The following SLC2A1 variants were observed in gnomAD, a reference collection of about 807,000 sequenced individuals.
SLC2A1 encodes the protein solute carrier family 2 member 1, also known as solute carrier family 2, facilitated glucose transporter member 1.
SLC2A1 carries 4 observed loss-of-function variants against 46.6 expected under a neutral mutation model. That is an observed-to-expected ratio of 0.09 (90% confidence interval 0.04 to 0.20). SLC2A1 has a LOEUF of 0.20. SLC2A1 is among the 10% of genes least tolerant of loss of function. The probability of loss-of-function intolerance (pLI) is 1.00; values close to 1 mark genes in which losing one functional copy is unlikely to be tolerated. For synonymous variants in SLC2A1, 253 were observed against 270.0 expected (o/e 0.94, Z 0.62); for missense variants, 352 against 667.0 (o/e 0.53, Z 5.20).
In SLC2A1 at chr1:42,951,728, G is replaced by A. The variant is rs116414544; in HGVS notation, c.18+6906C>T. 1.7e-3 allele frequency: 680 copies of A among 395,498 alleles called. 2 individuals carry two copies. The highest frequency in any genetic ancestry group is 0.014 in the African/African-American group (639 of 46,620). The allele number at this position is 395,498 out of a possible 1,614,324, so 24.5% of individuals were successfully genotyped here. ...CTAAGAACTTTATTGGACACAGCTT[G>A]GATGCCAGGACCTGGTAGGCCCCAC... On this transcript the variant is annotated intron_variant, in intron 1 of 9. Coordinates refer to ENST00000426263, the MANE Select transcript of SLC2A1 (RefSeq NM_006516.4).
intron 1 of SLC2A1, 25 bp from the exon 2 acceptor site, chr1:42,943,346 T>C: frequency 6.4e-7 from 1 of 1,566,760 alleles, no homozygotes; most frequent in Non-Finnish European, 8.8e-7. Context: ...ACCACACTGT[T>C]ATAGGCGTGT....
At chr1:42,942,405 C>G (rs187387017) in intron 2 of SLC2A1, among the ~76,000 whole-genome samples, 4 of 152,162 alleles carry the variant, frequency 2.6e-5, no homozygotes. Flanking sequence ...TCCCTGCCTC[C>G]TACCCCCTAC....
Position 42,930,286 on chromosome 1 carries a change from G to C in SLC2A1, c.517-251C>G. The stretch of plus-strand genomic sequence containing the variant: ...CAGATGTGTCCAGCACAGAGAATGG[G>C]GGCTGCTACTCTGCCACAAGAGGGT... On this transcript the variant is annotated intron_variant, in intron 4 of 9. Transcript: ENST00000426263. This position sits in a 1 kb window ranked among gnomAD's most constrained non-coding sequence, Gnocchi z 6.2. 1 of 624,036 alleles carries C rather than the reference G, an allele frequency of 1.6e-6. No individual in the cohort carries two copies. The highest frequency in any genetic ancestry group is 2.9e-6 in the Non-Finnish European group (1 of 349,612). 38.7% of individuals were successfully genotyped at this position (624,036 alleles called of 1,614,324 possible).
At chr1:42,947,870 GTGTTCA>G (rs1167379553) in intron 1 of SLC2A1, among the ~76,000 whole-genome samples, 1 of 152,180 alleles carries the variant, frequency 6.6e-6, no homozygotes, top group Non-Finnish European at 1.5e-5. Flanking sequence ...TGCCAGACCA[GTGTTCA>G]TCCTTAGCCA....
chr1:42,929,631 C>G lies in SLC2A1; in HGVS notation c.829G>C (p.Val277Leu), dbSNP rs928228807. 3 of 1,613,732 alleles carry G rather than the reference C, an allele frequency of 1.9e-6. No homozygotes were observed. The African/African-American group carries it at 4.0e-5, about 22-fold the overall frequency. Reference sequence around the variant, plus strand: ...GACAGCTGCTGGGACAGCTGCAGCACCACAGCGATGAGGATGGGCTGGCGG... The same window carrying G: ...GACAGCTGCTGGGACAGCTGCAGCAGCACAGCGATGAGGATGGGCTGGCGG... The part of the protein sequence containing the change: ...AYRQPILIAV[V>L]LQLSQQLSGI... Residue 277 changes from valine to leucine, a missense_variant, in exon 6 of 10, where the codon GTG (valine) becomes CTG (leucine). By Grantham distance (32) the Val-to-Leu change is conservative. Transcript: ENST00000426263. The surrounding 1 kb of genome is among the most constrained non-coding windows in gnomAD (Gnocchi z 6.0).
At position 42,954,539 on chromosome 1, in the gene SLC2A1, A is replaced by C. The variant is rs912136271; in HGVS notation, c.18+4095T>G. On this transcript the variant is annotated intron_variant, in intron 1 of 9. Coordinates refer to ENST00000426263, the MANE Select transcript of SLC2A1 (RefSeq NM_006516.4). This position sits in a 1 kb window ranked among gnomAD's most constrained non-coding sequence, Gnocchi z 4.2. ...AAACTCCGTCTCAAAAATCAAAACA[A>C]AACACAGCTCCATAGAACGCCTCAA... 6.6e-6 allele frequency among the ~76,000 whole-genome samples: 1 copy of C among 152,136 alleles called. No homozygotes were observed. The highest frequency in any genetic ancestry group is 1.5e-5 in the Non-Finnish European group (1 of 68,026).
intron 2 of SLC2A1, among the ~76,000 whole-genome samples, chr1:42,941,959 C>T (rs1458736776): frequency 1.3e-5 from 2 of 152,258 alleles, no homozygotes; most frequent in Non-Finnish European, 2.9e-5. Context: ...TGGTGACTTG[C>T]TCCTCAGCAT....
rs572786756 is a variant in SLC2A1 at position 42,926,560 on chromosome 1, G to C, written c.*481C>G. The stretch of plus-strand genomic sequence containing the variant: ...AATGGAGCCTGACCCCTAGAGTGGG[G>C]AGATCCAGGCCAGCAGAACGGGTGG... On this transcript the variant is annotated 3_prime_UTR_variant, in exon 10 of 10. Coordinates refer to ENST00000426263, the MANE Select transcript of SLC2A1 (RefSeq NM_006516.4). The C allele has an allele frequency of 4.6e-6, 2 of 432,280 alleles. No homozygotes were observed. Among genetic ancestry groups the C allele is most frequent in the South Asian group, 4.4e-5 (2 of 45,370 alleles). 26.8% of individuals were successfully genotyped at this position (432,280 alleles called of 1,614,324 possible).
chr1:42,941,481 C>G (rs552912877), intron 2 of SLC2A1, among the ~76,000 whole-genome samples: 1 of 152,332 alleles, frequency 6.6e-6, no homozygotes, highest in East Asian at 1.9e-4. Flanking sequence ...TCACCCCAAC[C>G]CTGTTCTGTT....
rs1395922154 is a variant in SLC2A1, at chr1:42,954,135, GC to G, written c.18+4498del. Among the ~76,000 whole-genome samples the G allele has an allele frequency of 3.3e-5, 5 of 152,128 alleles. No homozygotes were observed. The highest frequency in any genetic ancestry group is 1.2e-4 in the African/African-American group (5 of 41,438). Reference sequence around the variant, plus strand: ...CCAACTTTCAGGCTCCTATGGCATGGCAAGTCCTGTGTCTGGGGATTCCTGC... The same window carrying G: ...CCAACTTTCAGGCTCCTATGGCATGGAAGTCCTGTGTCTGGGGATTCCTGC... On this transcript the variant is annotated intron_variant, in intron 1 of 9. Coordinates refer to ENST00000426263, the MANE Select transcript of SLC2A1 (RefSeq NM_006516.4). This position sits in a 1 kb window ranked among gnomAD's most constrained non-coding sequence, Gnocchi z 4.2.
Position 42,929,141 on chromosome 1 carries a change from A to G in SLC2A1, c.972+69T>C. The stretch of plus-strand genomic sequence containing the variant: ...GAGAAAGTCACAGGGCACTGCAAAG[A>G]CCAGTGGGGAAGATGGCACTGCCTC... On this transcript the variant is annotated intron_variant, in intron 7 of 9. Coordinates refer to ENST00000426263, the MANE Select transcript of SLC2A1 (RefSeq NM_006516.4). This position sits in a 1 kb window ranked among gnomAD's most constrained non-coding sequence, Gnocchi z 6.0. 1 of 1,553,440 alleles carries G rather than the reference A, an allele frequency of 6.4e-7. No homozygotes were observed. Among genetic ancestry groups the G allele is most frequent in the Non-Finnish European group, 8.9e-7 (1 of 1,125,514 alleles).
Position 42,928,966 on chromosome 1 carries a change from C to T in SLC2A1, c.1040G>A (p.Cys347Tyr). The T allele has an allele frequency of 6.2e-7, 1 of 1,614,000 alleles. No homozygotes were observed. ...TAGCGCGATGGTCATGAGTATGGCA[C>T]AACCCGCCATGCCAGCGAGGCCTAT... ...HLIGLAGMAG[C>Y]AILMTIALAL... is the part of the protein sequence containing the mutation. The change falls in exon 8 of 10, where the codon TGT (cysteine) becomes TAT (tyrosine). Residue 347 changes from cysteine to tyrosine, a missense_variant. Around this residue, in one of 5 missense-constraint regions of SLC2A1, gnomAD observed 167 missense variants for 280.8 expected, o/e 0.59. Coordinates refer to ENST00000426263, the MANE Select transcript of SLC2A1 (RefSeq NM_006516.4).
intron 1 of SLC2A1, among the ~76,000 whole-genome samples, chr1:42,956,426 AAAAAAAAC>A (rs1458726120): frequency 0.072 from 6,415 of 88,998 alleles, 355 homozygotes; most frequent in African/African-American, 0.16. Flanking sequence ...AAAAAAAAAA[AAAAAAAAC>A]ATTAGCTGGG....
chr1:42,945,050 C>T (rs1643637000), intron 1 of SLC2A1, among the ~76,000 whole-genome samples: 1 of 152,116 alleles, frequency 6.6e-6, no homozygotes, highest in Non-Finnish European at 1.5e-5. Context: ...ATAGGGTGGA[C>T]ACTAATTCAG....
chr1:42,940,004 C>A (rs1217944804), intron 2 of SLC2A1, among the ~76,000 whole-genome samples: 1 of 151,788 alleles, frequency 6.6e-6, no homozygotes, highest in African/African-American at 2.4e-5. Flanking sequence ...CCAAAGGCAG[C>A]CCCTCCCTTC....
At chr1:42,952,933 T>C (rs1163622442) in intron 1 of SLC2A1, among the ~76,000 whole-genome samples, 1 of 152,190 alleles carries the variant, frequency 6.6e-6, no homozygotes, top group Non-Finnish European at 1.5e-5. Context: ...ACAGACCACA[T>C]GCTCCCCTGG....
chr1:42,951,083 A>G (rs774989317), intron 1 of SLC2A1, among the ~76,000 whole-genome samples: 4 of 152,220 alleles, frequency 2.6e-5, no homozygotes, highest in Non-Finnish European at 5.9e-5. Flanking sequence ...CATGCTCCCA[A>G]CACTCTTCTA....
chr1:42,930,592 C>A lies in SLC2A1; in HGVS notation c.516+34G>T. 1 of 1,611,646 alleles carries A rather than the reference C, an allele frequency of 6.2e-7. No individual in the cohort carries two copies. Among genetic ancestry groups the A allele is most frequent in the Non-Finnish European group, 8.5e-7 (1 of 1,179,174 alleles). ...GAGCCACTGAAGCTGTGGGCAGGGGCCGTGCCAGGCAGGTAGATCCTGCCC... is the reference window on the plus strand; with the variant it reads ...GAGCCACTGAAGCTGTGGGCAGGGGACGTGCCAGGCAGGTAGATCCTGCCC... On this transcript the variant is annotated intron_variant, in intron 4 of 9. Transcript: ENST00000426263. This position sits in a 1 kb window ranked among gnomAD's most constrained non-coding sequence, Gnocchi z 6.2.
At position 42,929,500 on chromosome 1, in the gene SLC2A1, G is replaced by A. The variant is rs754225297; in HGVS notation, c.867+93C>T. The A allele has an allele frequency of 2.7e-5, 35 of 1,311,040 alleles. No individual in the cohort carries two copies. Among genetic ancestry groups the A allele is most frequent in the Middle Eastern group, 1.8e-4 (1 of 5,462 alleles). 81.2% of individuals were successfully genotyped at this position (1,311,040 alleles called of 1,614,324 possible). On this transcript the variant is annotated intron_variant, in intron 6 of 9. Coordinates refer to ENST00000426263, the MANE Select transcript of SLC2A1 (RefSeq NM_006516.4). The surrounding 1 kb of genome is among the most constrained non-coding windows in gnomAD (Gnocchi z 6.0). Reference sequence around the variant, plus strand: ...AAAGGGAAACTTCTTCGGCAGAGGCGTATCTGTTGTTTCAAGTTTGGGACT... The same window carrying A: ...AAAGGGAAACTTCTTCGGCAGAGGCATATCTGTTGTTTCAAGTTTGGGACT...
Sources: allele counts gnomAD v4.1 joint callset (sites outside exome capture counted in the v4.1 genomes callset), GRCh38; gene constraint gnomAD v4.1.1; regional missense constraint gnomAD v4.1.1; non-coding constraint Gnocchi (gnomAD v3.1); transcripts MANE v1.5; gene names NCBI Gene and HGNC (gene_info 2026-07-23, HGNC 2026-07-21).